AKT3: variants seen among roughly 807,000 people sequenced by gnomAD.
AKT3 encodes RAC-gamma serine/threonine-protein kinase.
Under a neutral mutation model 65.3 loss-of-function variants are expected in AKT3, and 15 were observed. The ratio of observed to expected loss-of-function variants is 0.23; its 90% CI spans 0.15 to 0.35. AKT3 has a LOEUF of 0.35. Among genes scored for constraint, AKT3 ranks in the 10% least tolerant of loss-of-function variants. AKT3 has a pLI of 1.00. For missense variants in AKT3, 243 were observed against 576.5 expected (o/e 0.42, Z 5.92); for synonymous variants, 206 against 183.8 (o/e 1.12, Z -0.98).
chr1:243,643,537 A>G (rs1280514252), intron 5 of AKT3, among the ~76,000 whole-genome samples: 2 of 152,178 alleles, frequency 1.3e-5, no homozygotes, highest in Non-Finnish European at 2.9e-5. Context: ...ATAGAACCAC[A>G]TTTTCTTTTA....
chr1:243,671,796 A>G (rs1168155525), intron 3 of AKT3, among the ~76,000 whole-genome samples: 6 of 152,262 alleles, frequency 3.9e-5, no homozygotes, highest in Non-Finnish European at 7.3e-5. Flanking sequence ...GCAAATTTAC[A>G]AGACTCAGGC....
At chr1:243,551,416 G>T (rs994613616) in intron 11 of AKT3, among the ~76,000 whole-genome samples, 2 of 152,130 alleles carry the variant, frequency 1.3e-5, no homozygotes, top group Non-Finnish European at 2.9e-5. Flanking sequence ...AAAGCAGAAA[G>T]ACAATATCTC....
At chr1:243,497,099 C>CATGAT (rs1257638958), downstream of AKT3, among the ~76,000 whole-genome samples, 5 of 152,192 alleles carry the variant, frequency 3.3e-5, no homozygotes, top group Non-Finnish European at 7.3e-5. Flanking sequence ...TGGACGAGAC[C>CATGAT]ATGATCACTG....
chr1:243,570,091 TTC>T (rs1287078317), intron 9 of AKT3, among the ~76,000 whole-genome samples: 1 of 152,246 alleles, frequency 6.6e-6, no homozygotes, highest in Non-Finnish European at 1.5e-5. Flanking sequence ...TCAACAATTT[TTC>T]TGTTGCTATA....
chr1:243,779,568 A>G (rs1281335278), intron 2 of AKT3, among the ~76,000 whole-genome samples: 1 of 152,152 alleles, frequency 6.6e-6, no homozygotes, highest in Non-Finnish European at 1.5e-5. Flanking sequence ...AATAAGATAA[A>G]TAATTAACCA....
At chr1:243,706,085 T>A (rs1168055272) in intron 2 of AKT3, among the ~76,000 whole-genome samples, 1 of 152,210 alleles carries the variant, frequency 6.6e-6, no homozygotes, top group Non-Finnish European at 1.5e-5. Flanking sequence ...ACATGGCATA[T>A]ACACTGCAGT....
intron 8 of AKT3, among the ~76,000 whole-genome samples, chr1:243,577,517 C>T (rs990516657): frequency 6.6e-6 from 1 of 152,072 alleles, no homozygotes; most frequent in African/African-American, 2.4e-5. Context: ...AACTGGACCC[C>T]TTCCTTATAC....
chr1:243,765,153 A>C (rs1689735396), intron 2 of AKT3, among the ~76,000 whole-genome samples: 1 of 152,128 alleles, frequency 6.6e-6, no homozygotes, highest in African/African-American at 2.4e-5. Context: ...AGTCCTAAGT[A>C]TTTGAGATTA....
chr1:243,658,513 A>G (rs956248549), intron 4 of AKT3, among the ~76,000 whole-genome samples: 1 of 152,184 alleles, frequency 6.6e-6, no homozygotes, highest in African/African-American at 2.4e-5. Context: ...CTTGTACACT[A>G]TTGTTGGGAA....
intron 6 of AKT3, among the ~76,000 whole-genome samples, chr1:243,629,620 G>A (rs991660148): frequency 1.5e-4 from 23 of 152,012 alleles, no homozygotes; most frequent in African/African-American, 3.6e-4. Context: ...GTGAAACCCC[G>A]TCTCTACTAA....
At chr1:243,832,120 T>TAAAAAAAA (rs869235352) in intron 2 of AKT3, among the ~76,000 whole-genome samples, 8 of 44,774 alleles carry the variant, frequency 1.8e-4, no homozygotes, top group East Asian at 1.1e-3. Context: ...TCCCTAAAAC[T>TAAAAAAAA]AAAAAAAAAA....
At chr1:243,793,840 G>A (rs187895988) in intron 2 of AKT3, among the ~76,000 whole-genome samples, 8 of 150,726 alleles carry the variant, frequency 5.3e-5, no homozygotes, top group East Asian at 2.0e-4. Flanking sequence ...CTAGGAGCTC[G>A]ACTGAGTAGC....
chr1:243,704,240 T>C (rs1188926494), intron 2 of AKT3, among the ~76,000 whole-genome samples: 1 of 152,040 alleles, frequency 6.6e-6, no homozygotes, highest in African/African-American at 2.4e-5. Context: ...AAAAACGGGC[T>C]AACAGTTATT....
In AKT3 at chr1:243,501,037, C is replaced by T. The variant is rs1669247076; in HGVS notation, c.*4212G>A. On this transcript the variant is annotated 3_prime_UTR_variant, in exon 14 of 14. Transcript: ENST00000673466. ...TTTTTTAGCCTCCTGGATCTGTCAA[C>T]CCCAGTGGTTTTGAGAGAAGAGCAC... is the stretch of plus-strand genomic sequence containing the variant. 4.3e-6 allele frequency: 1 copy of T among 230,116 alleles called. No homozygotes were observed. Among genetic ancestry groups the T allele is most frequent in the Admixed American group, 5.7e-5 (1 of 17,662 alleles). The allele number at this position is 230,116 out of a possible 1,614,324, so 14.3% of individuals were successfully genotyped here.
chr1:243,606,995 AGAAG>A (rs778629340), intron 8 of AKT3, among the ~76,000 whole-genome samples: 42 of 152,246 alleles, frequency 2.8e-4, no homozygotes, highest in Non-Finnish European at 5.1e-4. Flanking sequence ...GCTGGTGTGC[AGAAG>A]ACAAGAATTA....
intron 3 of AKT3, among the ~76,000 whole-genome samples, chr1:243,673,523 C>T (rs747282233): frequency 1.3e-5 from 2 of 151,202 alleles, no homozygotes; most frequent in Non-Finnish European, 3.0e-5. Context: ...AGTCATAATG[C>T]ATGAAACAGA....
At chr1:243,563,484 T>C (rs1347352399) in intron 10 of AKT3, among the ~76,000 whole-genome samples, 3 of 152,306 alleles carry the variant, frequency 2.0e-5, no homozygotes, top group Non-Finnish European at 2.9e-5. Context: ...GAAATAAAAA[T>C]TGATTTAACT....
At chr1:243,686,705 T>G (rs1684352096) in intron 3 of AKT3, among the ~76,000 whole-genome samples, 1 of 124,526 alleles carries the variant, frequency 8.0e-6, no homozygotes, top group Non-Finnish European at 1.6e-5. Context: ...TCTTGCTCTG[T>G]CGCCAAGGCT....
At chr1:243,576,311 C>G (rs933161426) in intron 8 of AKT3, among the ~76,000 whole-genome samples, 11 of 152,160 alleles carry the variant, frequency 7.2e-5, no homozygotes, top group South Asian at 6.2e-4. Flanking sequence ...AAGCATTCTC[C>G]TTGAAAACCA....
Sources: gnomAD v4.1 joint callset for allele counts (sites outside exome capture counted in the v4.1 genomes callset) on GRCh38, gnomAD v4.1.1 for gene constraint, MANE v1.5 for transcripts, NCBI Gene and HGNC (gene_info 2026-07-23, HGNC 2026-07-21) for gene names.